UST: variants seen among roughly 807,000 people sequenced by gnomAD.
UST encodes chondroitin sulfate 2-O-sulfotransferase.
In UST, 21 loss-of-function variants were observed where a neutral mutation model predicts 45.6. The observed-to-expected ratio is 0.46, with a 90% CI of 0.33 to 0.66. The LOEUF is 0.66. Ranked by LOEUF, UST falls within the 30% of genes least tolerant of loss-of-function variation. The probability of loss-of-function intolerance (pLI) is 0.02; values close to 1 mark genes in which losing one functional copy is unlikely to be tolerated. For missense variants in UST, 463 were observed against 512.4 expected (o/e 0.90, Z 0.93); for synonymous variants, 215 against 200.6 (o/e 1.07, Z -0.61).
chr6:149,034,835 TC>T (rs1390226274), intron 7 of UST, among the ~76,000 whole-genome samples: 8 of 1,852 alleles, frequency 4.3e-3, no homozygotes, highest in Admixed American at 4.8e-3. Flanking sequence ...TCATGCTCAT[TC>T]TCTCTCTCTC....
chr6:149,050,017 C>T (rs1408100689), intron 7 of UST, among the ~76,000 whole-genome samples: 1 of 149,238 alleles, frequency 6.7e-6, no homozygotes, highest in East Asian at 2.0e-4. Flanking sequence ...GATTTCTAGC[C>T]CTGAAATACT....
chr6:148,993,378 G>GAA (rs11295482), intron 5 of UST, among the ~76,000 whole-genome samples: 33,925 of 149,820 alleles, frequency 0.23, 3,874 homozygotes, highest in Non-Finnish European at 0.25. Flanking sequence ...TACTCTTTTT[G>GAA]AAAAAAAAAA....
At chr6:148,776,738 T>C (rs1320743403) in intron 1 of UST, among the ~76,000 whole-genome samples, 2 of 152,224 alleles carry the variant, frequency 1.3e-5, no homozygotes, top group Non-Finnish European at 2.9e-5. Flanking sequence ...TAAAACATAT[T>C]ACACATGGTT....
At chr6:148,912,261 G>C (rs4897071) in intron 2 of UST, among the ~76,000 whole-genome samples, 17,011 of 152,272 alleles carry the variant, frequency 0.11, 1,414 homozygotes, top group East Asian at 0.41. Context: ...ACCTTGTGTG[G>C]CTTTCCTGAG....
At chr6:148,770,848 C>CT (rs1264265193) in intron 1 of UST, among the ~76,000 whole-genome samples, 1 of 152,126 alleles carries the variant, frequency 6.6e-6, no homozygotes, top group Non-Finnish European at 1.5e-5. Context: ...GGTCCTTTGC[C>CT]TTTTCGCCTC....
chr6:149,056,454 C>G (rs1325500982), intron 7 of UST, among the ~76,000 whole-genome samples: 1 of 152,192 alleles, frequency 6.6e-6, no homozygotes, highest in African/African-American at 2.4e-5. Context: ...GGATTTTTCC[C>G]TCACATGGTC....
chr6:149,022,767 G>A (rs1023926413), intron 7 of UST, among the ~76,000 whole-genome samples: 21 of 152,152 alleles, frequency 1.4e-4, no homozygotes, highest in African/African-American at 5.1e-4. Context: ...CGTTGCACAA[G>A]GTCAAGGTGG....
Position 148,934,293 on chromosome 6 carries a change from C to G in UST, c.292-6986C>G, listed in dbSNP as rs1449206484. On this transcript the variant is annotated intron_variant, in intron 2 of 7. Coordinates refer to ENST00000367463, the MANE Select transcript of UST (RefSeq NM_005715.3). The surrounding 1 kb of genome is among the most constrained non-coding windows in gnomAD (Gnocchi z 4.1). ...GTCCCTGAATTCAGGCCTTGCACAG[C>G]CCTGGCTGTGACTCTTTCAAGTGTT... is the stretch of plus-strand genomic sequence containing the variant. Among the ~76,000 whole-genome samples, 1 of 152,160 alleles carries G rather than the reference C, an allele frequency of 6.6e-6. No homozygotes were observed. Among genetic ancestry groups the G allele is most frequent in the Non-Finnish European group, 1.5e-5 (1 of 68,036 alleles).
At chr6:149,007,906 G>T (rs1775743885) in intron 5 of UST, among the ~76,000 whole-genome samples, 2 of 152,094 alleles carry the variant, frequency 1.3e-5, no homozygotes, top group Non-Finnish European at 2.9e-5. Context: ...AGATCTATTT[G>T]TTTAGTCTGT....
intron 1 of UST, among the ~76,000 whole-genome samples, chr6:148,843,470 C>G (rs904791111): frequency 6.6e-6 from 1 of 152,212 alleles, no homozygotes; most frequent in Non-Finnish European, 1.5e-5. Flanking sequence ...TTTTCTGTAG[C>G]CTTTCCCAAA....
chr6:149,037,725 TG>T (rs1330298653), intron 7 of UST, among the ~76,000 whole-genome samples: 1 of 152,272 alleles, frequency 6.6e-6, no homozygotes, highest in Non-Finnish European at 1.5e-5. Flanking sequence ...AAGCAGCATT[TG>T]GAAGCTTTGA....
intron 7 of UST, among the ~76,000 whole-genome samples, chr6:149,029,866 TTGTGTGTGTGTGTGTGTGTGTGTG>T (rs3074362): frequency 2.1e-5 from 3 of 140,706 alleles, no homozygotes. Context: ...GCACTGGATC[TTGTGTGTGTGTGTGTGTGTGTGTG>T]TGTGTGTGTG....
intron 1 of UST, among the ~76,000 whole-genome samples, chr6:148,857,541 G>A (rs1009323975): frequency 6.6e-6 from 1 of 152,048 alleles, no homozygotes. Context: ...TTAGATACTC[G>A]GTTATAGTCA....
chr6:149,050,656 T>A (rs1054989127), intron 7 of UST, among the ~76,000 whole-genome samples: 2 of 152,206 alleles, frequency 1.3e-5, no homozygotes, highest in Non-Finnish European at 2.9e-5. Flanking sequence ...TTATACTTTA[T>A]CCTCCAAAAT....
At chr6:148,979,196 CT>C (rs1311793157) in intron 5 of UST, among the ~76,000 whole-genome samples, 1 of 152,174 alleles carries the variant, frequency 6.6e-6, no homozygotes, top group Non-Finnish European at 1.5e-5. Context: ...GGTTTCTGGA[CT>C]GGATGTTGTC....
intron 1 of UST, among the ~76,000 whole-genome samples, chr6:148,783,042 T>C (rs6570901): frequency 0.77 from 117,095 of 152,072 alleles, 45,188 homozygotes; most frequent in Middle Eastern, 0.89. Flanking sequence ...GAAAGTGCCA[T>C]AGCCACCGCA....
intron 1 of UST, among the ~76,000 whole-genome samples, chr6:148,809,691 A>G (rs1373146021): frequency 6.6e-6 from 1 of 152,160 alleles, no homozygotes; most frequent in Non-Finnish European, 1.5e-5. Flanking sequence ...AACCTGCTGG[A>G]AGCTTCTCTG....
intron 5 of UST, among the ~76,000 whole-genome samples, chr6:148,974,454 G>A (rs1347087905): frequency 2.0e-5 from 3 of 152,138 alleles, no homozygotes; most frequent in Non-Finnish European, 2.9e-5. Context: ...ATTGACCAAT[G>A]AGTGTTTCAG....
chr6:148,835,872 G>A (rs965990952), intron 1 of UST, among the ~76,000 whole-genome samples: 2 of 152,060 alleles, frequency 1.3e-5, no homozygotes, highest in African/African-American at 4.8e-5. Flanking sequence ...TTTTAAAAAG[G>A]GATGTTAGAA....
Sources: allele counts gnomAD v4.1 joint callset (sites outside exome capture counted in the v4.1 genomes callset), GRCh38; gene constraint gnomAD v4.1.1; non-coding constraint Gnocchi (gnomAD v3.1); transcripts MANE v1.5; gene names NCBI Gene and HGNC (gene_info 2026-07-23, HGNC 2026-07-21).